The following TRMT9B variants were observed in gnomAD, a reference collection of about 807,000 sequenced individuals.
The protein encoded by TRMT9B is tRNA methyltransferase 9B (putative), also known as probable tRNA methyltransferase 9B.
A neutral mutation model predicts 11.5 loss-of-function variants in TRMT9B; 16 were observed. The observed-to-expected ratio is 1.39, with a 90% CI of 0.94 to 2.11. The LOEUF (loss-of-function observed/expected upper bound fraction) is 2.11. Among genes scored for constraint, TRMT9B ranks in the 30% most tolerant of loss-of-function variants. The pLI is 0.00. For missense variants in TRMT9B, 941 were observed against 553.8 expected, an observed-to-expected ratio of 1.70 and a Z score of -7.02; for synonymous variants, 274 against 192.4, an observed-to-expected ratio of 1.42 and a Z score of -3.51.
intron 2 of TRMT9B, among the ~76,000 whole-genome samples, chr8:13,004,014 G>C (rs1809951429): frequency 1.3e-5 from 2 of 151,762 alleles, no homozygotes; most frequent in African/African-American, 4.8e-5. Context: ...TGCTGCGTTT[G>C]TGAAACACCG....
At position 13,022,310 on chromosome 8, in the gene TRMT9B, C is replaced by G. The variant is rs1021743102; in HGVS notation, c.*266C>G. 1.0e-4 allele frequency: 35 copies of G among 349,180 alleles called. No individual in the cohort carries two copies. The highest frequency in any genetic ancestry group is 6.2e-4 in the African/African-American group (29 of 46,868). 21.6% of individuals were successfully genotyped at this position (349,180 alleles called of 1,614,324 possible). A position where few individuals can be genotyped will look rare whatever the true frequency, so the allele number is the denominator to read the frequency against. On this transcript the variant is annotated 3_prime_UTR_variant, in exon 5 of 5. Coordinates refer to ENST00000524591, the MANE Select transcript of TRMT9B (RefSeq NM_020844.3). ...ACAGAAAGTACCCTTCAGTACACCT[C>G]AGACTTTTTTTTAACCCCAGAGAGA...
intron 3 of TRMT9B, 116 bp from the exon 4 acceptor site, chr8:13,012,568 C>CT (rs965670281): frequency 1.3e-5 from 17 of 1,305,728 alleles, no homozygotes; most frequent in Non-Finnish European, 1.6e-5. Context: ...GAGGGAGACT[C>CT]TGTCTCAAAA....
At chr8:12,995,254 C>T (rs1031786029) in intron 2 of TRMT9B, among the ~76,000 whole-genome samples, 3 of 152,186 alleles carry the variant, frequency 2.0e-5, no homozygotes, top group Admixed American at 1.3e-4. Flanking sequence ...CAAGTTTCAG[C>T]TGCAGTTAGA....
chr8:13,022,097 G>T lies in TRMT9B; in HGVS notation c.*53G>T. 1 of 1,256,598 alleles carries T rather than the reference G, an allele frequency of 8.0e-7. No individual in the cohort carries two copies. Among genetic ancestry groups the T allele is most frequent in the African/African-American group, 1.5e-5 (1 of 67,066 alleles). 77.8% of individuals were successfully genotyped at this position (1,256,598 alleles called of 1,614,324 possible). Reference sequence around the variant, plus strand: ...AAGATGAACCACATTCTTTCCTCTTGGTTTGATATGGTTACCTGAATTTGC... The same window carrying T: ...AAGATGAACCACATTCTTTCCTCTTTGTTTGATATGGTTACCTGAATTTGC... On this transcript the variant is annotated 3_prime_UTR_variant, in exon 5 of 5. Coordinates refer to ENST00000524591, the MANE Select transcript of TRMT9B (RefSeq NM_020844.3).
Position 12,964,744 on chromosome 8 carries a change from T to TTTG in TRMT9B, c.-200+18780_-200+18781insGTT, listed in dbSNP as rs142820989. Among the ~76,000 whole-genome samples, 265 of 150,704 alleles carry TTTG rather than the reference T, an allele frequency of 1.8e-3. 1 individual carries two copies. Among genetic ancestry groups the TTTG allele is most frequent in the Non-Finnish European group, 2.2e-3 (151 of 67,628 alleles). ...CATGCCACCACACCAGGCTAATGTTTTTTGTTTGTTTGTTTGTTTGTTTTG... is the reference window on the plus strand; with the variant it reads ...CATGCCACCACACCAGGCTAATGTTTTTGTTTGTTTGTTTGTTTGTTTGTTTTG... On this transcript the variant is annotated intron_variant, in intron 1 of 4. Transcript: ENST00000524591.
At chr8:13,010,852 A>G (rs1387438322) in intron 3 of TRMT9B, 2 of 980,752 alleles carry the variant, frequency 2.0e-6, no homozygotes, top group Middle Eastern at 5.2e-4. Flanking sequence ...TATTTTCCCC[A>G]TGATTGCCTT....
At chr8:12,969,667 C>A (rs1408942290) in intron 1 of TRMT9B, among the ~76,000 whole-genome samples, 1 of 149,822 alleles carries the variant, frequency 6.7e-6, no homozygotes, top group Non-Finnish European at 1.5e-5. Flanking sequence ...TTTATTGTTT[C>A]TTTCTTCTTT....
chr8:13,021,815 T>C lies in TRMT9B; in HGVS notation c.1136T>C (p.Ile379Thr). 1 of 1,613,770 alleles carries C rather than the reference T, an allele frequency of 6.2e-7. No individual in the cohort carries two copies. The highest frequency in any genetic ancestry group is 8.5e-7 in the Non-Finnish European group (1 of 1,179,764). The change falls in exon 5 of 5, where the codon ATT (isoleucine) becomes ACT (threonine). Residue 379 changes from isoleucine (I) to threonine (T), a missense_variant. Coordinates refer to ENST00000524591, the MANE Select transcript of TRMT9B (RefSeq NM_020844.3). ...TCTGCTAGTAAAATATTGAGAAGGA[T>C]TTCTGCAGTTGATTCCACAGATTTC... ...NPSASKILRR[I>T]SAVDSTDFNP...
chr8:12,985,470 A>C (rs1806135256), intron 1 of TRMT9B, among the ~76,000 whole-genome samples: 1 of 152,184 alleles, frequency 6.6e-6, no homozygotes, highest in South Asian at 2.1e-4. Flanking sequence ...ACCCCAATCT[A>C]GAAAAGCTAA....
chr8:12,989,638 G>C (rs570214240), intron 1 of TRMT9B, among the ~76,000 whole-genome samples: 90 of 152,310 alleles, frequency 5.9e-4, no homozygotes, highest in Middle Eastern at 3.4e-3. Flanking sequence ...AAGGCGCATA[G>C]ACAACCACAT....
chr8:12,982,766 A>G (rs1805627432), intron 1 of TRMT9B, among the ~76,000 whole-genome samples: 1 of 152,140 alleles, frequency 6.6e-6, no homozygotes, highest in Admixed American at 6.5e-5. Flanking sequence ...AAAATTTGAA[A>G]CTTTTTGAGT....
intron 4 of TRMT9B, among the ~76,000 whole-genome samples, chr8:13,018,146 A>T (rs1291709595): frequency 6.6e-6 from 1 of 150,534 alleles, no homozygotes; most frequent in East Asian, 2.0e-4. Context: ...TCATGCCTGC[A>T]ATCCCAGCAC....
At chr8:13,011,963 C>G in intron 3 of TRMT9B, 3 of 985,294 alleles carry the variant, frequency 3.0e-6, no homozygotes, top group Non-Finnish European at 3.6e-6. Flanking sequence ...TGGTAAGAAT[C>G]TTTGGAGAGA....
At chr8:12,970,046 A>T (rs775858138) in intron 1 of TRMT9B, 2 of 152,152 alleles carry the variant, frequency 1.3e-5, no homozygotes, top group Admixed American at 1.3e-4. Flanking sequence ...CCAACCATGC[A>T]TAACGAGGCA....
chr8:12,988,030 A>G (rs919040474), intron 1 of TRMT9B, among the ~76,000 whole-genome samples: 5 of 152,218 alleles, frequency 3.3e-5, no homozygotes, highest in African/African-American at 9.6e-5. Flanking sequence ...GTCTGGGACC[A>G]TCTGTATATA....
intron 4 of TRMT9B, among the ~76,000 whole-genome samples, chr8:13,019,314 C>T (rs1312728073): frequency 1.3e-5 from 2 of 152,138 alleles, no homozygotes; most frequent in African/African-American, 2.4e-5. Flanking sequence ...ATATTTGAGA[C>T]AGCGTCTCAC....
At chr8:13,016,864 C>A (rs934998965) in intron 4 of TRMT9B, among the ~76,000 whole-genome samples, 2 of 149,056 alleles carry the variant, frequency 1.3e-5, no homozygotes, top group Non-Finnish European at 3.0e-5. Flanking sequence ...TGGGCCCCCA[C>A]AATAAAGAAT....
intron 3 of TRMT9B, chr8:13,011,305 C>G: frequency 1.0e-6 from 1 of 985,176 alleles, no homozygotes. Context: ...ATTTTTTATT[C>G]ATATATTCTC....
rs1055016085 is a variant in TRMT9B, at chr8:12,989,227, A to C, written c.-199-1607A>C. 2.6e-5 allele frequency among the ~76,000 whole-genome samples: 4 copies of C among 152,176 alleles called. No individual in the cohort carries two copies. In the South Asian group the frequency reaches 8.3e-4, roughly 31 times the overall value. ...GATGGCCTCCTGTTTAGTCAAAGAG[A>C]AGAGAAGAAGAAATGTGTTTCTTTC... On this transcript the variant is annotated intron_variant, in intron 1 of 4. Transcript: ENST00000524591.
Sources: gnomAD v4.1 joint callset for allele counts (sites outside exome capture counted in the v4.1 genomes callset) on GRCh38, gnomAD v4.1.1 for gene constraint, MANE v1.5 for transcripts, NCBI Gene and HGNC (gene_info 2026-07-23, HGNC 2026-07-21) for gene names.